The following KANSL1L variants were observed in gnomAD, a reference collection of about 807,000 sequenced individuals.
KANSL1L encodes the protein KAT8 regulatory NSL complex subunit 1-like protein.
In KANSL1L, 25 loss-of-function variants were observed where a neutral mutation model predicts 108.6. That is an observed-to-expected ratio of 0.23 (90% confidence interval 0.17 to 0.32). The LOEUF is 0.32. Among genes scored for constraint, KANSL1L ranks in the 10% least tolerant of loss-of-function variants. KANSL1L has a pLI of 1.00. For synonymous variants in KANSL1L, 405 were observed against 395.1 expected (o/e 1.03, Z -0.30); for missense variants, 1,137 against 1,125.7 (o/e 1.01, Z -0.14).
intron 3 of KANSL1L, among the ~76,000 whole-genome samples, chr2:210,112,192 A>C (rs965028675): frequency 2.0e-5 from 3 of 152,218 alleles, no homozygotes; most frequent in African/African-American, 4.8e-5. Flanking sequence ...CGCTATAAAC[A>C]TACATGTACA....
chr2:210,138,793 T>C (rs1244044213), intron 2 of KANSL1L, among the ~76,000 whole-genome samples: 1 of 152,118 alleles, frequency 6.6e-6, no homozygotes, highest in Non-Finnish European at 1.5e-5. Context: ...ATTGAAAATA[T>C]CATAAGTCGA....
intron 5 of KANSL1L, chr2:210,079,700 G>GTATATATATATATA (rs796956187): frequency 1.3e-5 from 1 of 75,762 alleles, no homozygotes; most frequent in African/African-American, 6.6e-5. Flanking sequence ...ATGTATGTGT[G>GTATATATATATATA]TATATATATA....
upstream of KANSL1L, among the ~76,000 whole-genome samples, chr2:210,172,254 C>G (rs901854572): frequency 1.3e-5 from 2 of 152,166 alleles, no homozygotes; most frequent in Non-Finnish European, 2.9e-5. Flanking sequence ...CTAAATGTAG[C>G]TTCTTAGATG....
chr2:210,166,484 C>A (rs763524297), intron 1 of KANSL1L, among the ~76,000 whole-genome samples: 8 of 152,138 alleles, frequency 5.3e-5, no homozygotes, highest in Non-Finnish European at 8.8e-5. Flanking sequence ...ATAAGAACCA[C>A]TCTTCCTCCT....
chr2:210,145,570 C>G, intron 2 of KANSL1L, among the ~76,000 whole-genome samples: 1 of 152,326 alleles, frequency 6.6e-6, no homozygotes, highest in East Asian at 1.9e-4. Flanking sequence ...ACAGAAACCA[C>G]AGCTCCAGGG....
intron 2 of KANSL1L, among the ~76,000 whole-genome samples, chr2:210,140,979 G>A (rs751552112): frequency 1.4e-4 from 21 of 151,982 alleles, no homozygotes; most frequent in Non-Finnish European, 1.8e-4. Flanking sequence ...ATCCTGAAAC[G>A]CTAATTAATT....
Position 210,153,404 on chromosome 2 carries a change from A to C in KANSL1L, c.1088+91T>G, listed in dbSNP as rs977434962. On this transcript the variant is annotated intron_variant, in intron 2 of 14. Coordinates refer to ENST00000281772, the MANE Select transcript of KANSL1L (RefSeq NM_152519.4). Reference sequence around the variant, plus strand: ...AAAGATTATAGCATTAAGATTTTAGAAAATCTATTTCTTGTCAACATACCT... The same window carrying C: ...AAAGATTATAGCATTAAGATTTTAGCAAATCTATTTCTTGTCAACATACCT... 2.9e-6 allele frequency: 3 copies of C among 1,026,768 alleles called. No homozygotes were observed. The African/African-American group carries it at 4.9e-5, about 17-fold the overall frequency. 63.6% of individuals were successfully genotyped at this position (1,026,768 alleles called of 1,614,324 possible).
chr2:210,131,459 T>G (rs911102114), intron 2 of KANSL1L, among the ~76,000 whole-genome samples: 3 of 152,098 alleles, frequency 2.0e-5, no homozygotes, highest in Admixed American at 1.3e-4. Context: ...CCCTATAATA[T>G]GCAATTTGGT....
chr2:210,157,712 A>C (rs1314307869), intron 1 of KANSL1L, among the ~76,000 whole-genome samples: 3 of 148,218 alleles, frequency 2.0e-5, no homozygotes, highest in Non-Finnish European at 4.5e-5. Flanking sequence ...AAAAAAAAAA[A>C]AAAAAAAAGA....
chr2:210,098,444 C>A (rs1365363237), intron 4 of KANSL1L, among the ~76,000 whole-genome samples: 1 of 152,044 alleles, frequency 6.6e-6, no homozygotes, highest in Admixed American at 6.6e-5. Flanking sequence ...CCTTCATCTA[C>A]CCATCCCATC....
chr2:210,128,054 CTAAAA>C (rs2095085308), intron 3 of KANSL1L, among the ~76,000 whole-genome samples: 1 of 151,954 alleles, frequency 6.6e-6, no homozygotes, highest in Admixed American at 6.6e-5. Context: ...CAAATCAAAA[CTAAAA>C]TAAGATACCA....
At chr2:210,116,415 G>A (rs13388044) in intron 3 of KANSL1L, among the ~76,000 whole-genome samples, 2 of 152,182 alleles carry the variant, frequency 1.3e-5, no homozygotes, top group African/African-American at 4.8e-5. Flanking sequence ...AGACACAGAC[G>A]ATAGCCAGGT....
At chr2:210,122,004 C>T (rs1166156694) in intron 3 of KANSL1L, among the ~76,000 whole-genome samples, 2 of 151,946 alleles carry the variant, frequency 1.3e-5, no homozygotes, top group Non-Finnish European at 2.9e-5. Context: ...AACTATGAAA[C>T]CTATAAAACA....
intron 5 of KANSL1L, among the ~76,000 whole-genome samples, chr2:210,092,358 A>G (rs916036230): frequency 6.6e-6 from 1 of 152,026 alleles, no homozygotes; most frequent in Non-Finnish European, 1.5e-5. Flanking sequence ...CCATTGTTTC[A>G]TATCTTTTGC....
chr2:210,083,829 C>CAAAAAAA (rs61456616), intron 5 of KANSL1L, among the ~76,000 whole-genome samples: 1 of 52,908 alleles, frequency 1.9e-5, no homozygotes, highest in African/African-American at 6.4e-5. Context: ...GACTCCATCT[C>CAAAAAAA]AAAAAAAAAA....
intron 2 of KANSL1L, among the ~76,000 whole-genome samples, chr2:210,138,094 A>G (rs1403468170): frequency 6.6e-6 from 1 of 152,216 alleles, no homozygotes; most frequent in African/African-American, 2.4e-5. Context: ...TGTGATAAAA[A>G]TGTGCATTTT....
intron 6 of KANSL1L, among the ~76,000 whole-genome samples, chr2:210,048,658 C>A (rs577519133): frequency 6.6e-6 from 1 of 151,726 alleles, no homozygotes; most frequent in Non-Finnish European, 1.5e-5. Flanking sequence ...TTAATACATA[C>A]GTGTATGGTT....
At chr2:210,029,282 C>A in intron 10 of KANSL1L, 1 of 223,630 alleles carries the variant, frequency 4.5e-6, no homozygotes, top group Non-Finnish European at 8.6e-6. Context: ...CATACATCAC[C>A]CTAAATGTCA....
rs151215951 is a variant in KANSL1L, at chr2:210,033,358, AATGT to A, written c.2030-1816_2030-1813del. Reference sequence around the variant, plus strand: ...TAGAATTGTGAGAGGTGGATTTTAAAATGTATGTGTGTGTTAAAACGTGTGTAGG... The same window carrying A: ...TAGAATTGTGAGAGGTGGATTTTAAAATGTGTGTGTTAAAACGTGTGTAGG... On this transcript the variant is annotated intron_variant, in intron 8 of 14. Coordinates refer to ENST00000281772, the MANE Select transcript of KANSL1L (RefSeq NM_152519.4). Among the ~76,000 whole-genome samples, 1,134 of 152,292 alleles carry A rather than the reference AATGT, an allele frequency of 7.4e-3. 3 individuals are homozygous for A. The highest frequency in any genetic ancestry group is 0.011 in the Non-Finnish European group (769 of 68,032).
Sources: gnomAD v4.1 joint callset for allele counts (sites outside exome capture counted in the v4.1 genomes callset) on GRCh38, gnomAD v4.1.1 for gene constraint, MANE v1.5 for transcripts, NCBI Gene and HGNC (gene_info 2026-07-23, HGNC 2026-07-21) for gene names.